PARD3B: variants seen among roughly 807,000 people sequenced by gnomAD.
The protein encoded by PARD3B is partitioning defective 3 homolog B.
A neutral mutation model predicts 130.2 loss-of-function variants in PARD3B; 103 were observed. The ratio of observed to expected loss-of-function variants is 0.79; its 90% confidence interval spans 0.67 to 0.93. The LOEUF (loss-of-function observed/expected upper bound fraction) is 0.93, where lower values mean the gene tolerates loss of function less well. Among genes scored for constraint, PARD3B ranks in the 40% least tolerant of loss-of-function variants. The probability of loss-of-function intolerance (pLI) is 0.00; values close to 1 mark genes in which losing one functional copy is unlikely to be tolerated. For missense variants in PARD3B, 1,609 were observed against 1,499.2 expected (o/e 1.07, Z -1.21); for synonymous variants, 583 against 553.2 (o/e 1.05, Z -0.76).
At chr2:204,816,975 C>T (rs941064377) in intron 2 of PARD3B, among the ~76,000 whole-genome samples, 1 of 152,016 alleles carries the variant, frequency 6.6e-6, no homozygotes, top group African/African-American at 2.4e-5. Context: ...TGTCTAGGCT[C>T]ACTCATCTTT....
chr2:205,581,299 G>GAT (rs1559238327), intron 22 of PARD3B, among the ~76,000 whole-genome samples: 5 of 103,362 alleles, frequency 4.8e-5, no homozygotes, highest in Admixed American at 3.5e-4. Flanking sequence ...GATAGATATA[G>GAT]ATAGATAGAT....
chr2:205,478,872 A>G (rs1016144015), intron 20 of PARD3B, among the ~76,000 whole-genome samples: 2 of 152,146 alleles, frequency 1.3e-5, no homozygotes, highest in African/African-American at 4.8e-5. Flanking sequence ...TAATAACACC[A>G]TTTCAGCACA....
At chr2:204,883,431 TAAAA>T (rs2046137690) in intron 2 of PARD3B, among the ~76,000 whole-genome samples, 1 of 111,050 alleles carries the variant, frequency 9.0e-6, no homozygotes, top group East Asian at 2.3e-4. Flanking sequence ...TATATATATA[TAAAA>T]TATATATATA....
intron 10 of PARD3B, among the ~76,000 whole-genome samples, chr2:205,136,842 T>C (rs1213393179): frequency 6.6e-6 from 1 of 152,194 alleles, no homozygotes; most frequent in African/African-American, 2.4e-5. Flanking sequence ...CACCTCTCTT[T>C]CCCTTTTTTC....
chr2:205,569,180 TTTTTA>T (rs2053472391), intron 22 of PARD3B, among the ~76,000 whole-genome samples: 1 of 152,170 alleles, frequency 6.6e-6, no homozygotes, highest in South Asian at 2.1e-4. Context: ...ATCCTTTTTT[TTTTTA>T]GTTTGTTGTA....
chr2:205,360,966 T>C (rs552216582), intron 18 of PARD3B, among the ~76,000 whole-genome samples: 7 of 152,184 alleles, frequency 4.6e-5, no homozygotes, highest in Non-Finnish European at 8.8e-5. Flanking sequence ...CTAATATGTC[T>C]AATATGCCTT....
chr2:204,660,745 A>T (rs1350918676), intron 1 of PARD3B, among the ~76,000 whole-genome samples: 2 of 152,018 alleles, frequency 1.3e-5, no homozygotes, highest in East Asian at 3.9e-4. Flanking sequence ...TTTGTTTTTC[A>T]TTTCCTTTTA....
In PARD3B at chr2:205,572,651, A is replaced by G. The variant is rs1267992570; in HGVS notation, c.3260+19248A>G. On this transcript the variant is annotated intron_variant, in intron 22 of 22. Transcript: ENST00000406610. The surrounding 1 kb of genome is among the most constrained non-coding windows in gnomAD (Gnocchi z 4.2). The stretch of plus-strand genomic sequence containing the variant: ...TCCCAGTTACTCGGGAGGCTGAGGG[A>G]GGAGAATTGCTTGAACCCAGAAGGT... Among the ~76,000 whole-genome samples, 2 of 152,110 alleles carry G rather than the reference A, an allele frequency of 1.3e-5. No homozygotes were observed. The highest frequency in any genetic ancestry group is 2.4e-5 in the African/African-American group (1 of 41,424).
chr2:204,962,795 C>T (rs1575428581), intron 2 of PARD3B, among the ~76,000 whole-genome samples: 1 of 152,166 alleles, frequency 6.6e-6, no homozygotes, highest in African/African-American at 2.4e-5. Context: ...GGAGCCATGA[C>T]AGGTCAGGAG....
chr2:205,489,161 T>C (rs2049567704), intron 20 of PARD3B, among the ~76,000 whole-genome samples: 1 of 152,154 alleles, frequency 6.6e-6, no homozygotes, highest in Non-Finnish European at 1.5e-5. Flanking sequence ...ATTATCGTAT[T>C]AAACACTTGA....
intron 10 of PARD3B, among the ~76,000 whole-genome samples, chr2:205,139,502 C>T (rs2032769398): frequency 6.6e-6 from 1 of 152,094 alleles, no homozygotes; most frequent in Non-Finnish European, 1.5e-5. Flanking sequence ...ACCTCAATTC[C>T]TCTTTGGTAT....
chr2:204,565,956 A>G (rs973289812), intron 1 of PARD3B, among the ~76,000 whole-genome samples: 2 of 152,332 alleles, frequency 1.3e-5, no homozygotes, highest in Admixed American at 1.3e-4. Context: ...GTCAAGAGAT[A>G]ATGAAATTTT....
intron 1 of PARD3B, among the ~76,000 whole-genome samples, chr2:204,651,025 C>T (rs1407614340): frequency 6.6e-6 from 1 of 152,180 alleles, no homozygotes; most frequent in African/African-American, 2.4e-5. Flanking sequence ...CCAGGTCTCT[C>T]CCCTGACATG....
At chr2:205,534,480 A>T (rs1384731673) in intron 21 of PARD3B, among the ~76,000 whole-genome samples, 1 of 150,778 alleles carries the variant, frequency 6.6e-6, no homozygotes, top group Non-Finnish European at 1.5e-5. Context: ...TTTTTTTTGG[A>T]GACAGAGTCT....
intron 2 of PARD3B, among the ~76,000 whole-genome samples, chr2:204,849,041 T>G (rs1423112426): frequency 6.6e-6 from 1 of 152,136 alleles, no homozygotes; most frequent in Non-Finnish European, 1.5e-5. Flanking sequence ...TTTCTTTGAT[T>G]TAGAGGTTGC....
At chr2:205,348,333 T>C (rs1442237578) in intron 18 of PARD3B, among the ~76,000 whole-genome samples, 1 of 152,232 alleles carries the variant, frequency 6.6e-6, no homozygotes, top group Non-Finnish European at 1.5e-5. Context: ...GACATTCTCC[T>C]CTCCGTATTC....
At chr2:205,223,194 G>A (rs2038337853) in intron 15 of PARD3B, among the ~76,000 whole-genome samples, 1 of 152,158 alleles carries the variant, frequency 6.6e-6, no homozygotes, top group African/African-American at 2.4e-5. Flanking sequence ...ACTTGAAGAT[G>A]AATAGAGGAT....
In PARD3B at chr2:205,480,070, T is replaced by A. The variant is rs532777147; in HGVS notation, c.3045-19826T>A. Among the ~76,000 whole-genome samples, 7 of 152,122 alleles carry A rather than the reference T, an allele frequency of 4.6e-5. No homozygotes were observed. In the South Asian group the frequency reaches 1.5e-3, roughly 32 times the overall value. ...GGTGCCCTCCACCATGCCCAGCTAA[T>A]TTTTTGTATTTTTTAGTAGAGATGG... On this transcript the variant is annotated intron_variant, in intron 20 of 22. Coordinates refer to ENST00000406610, the MANE Select transcript of PARD3B (RefSeq NM_001302769.2).
At chr2:204,631,281 C>T (rs1235587589) in intron 1 of PARD3B, among the ~76,000 whole-genome samples, 9 of 149,828 alleles carry the variant, frequency 6.0e-5, no homozygotes, top group Non-Finnish European at 8.9e-5. Context: ...GACAGAGTCT[C>T]GCTCTGTCAC....
Sources: gnomAD v4.1 joint callset for allele counts (sites outside exome capture counted in the v4.1 genomes callset) on GRCh38, gnomAD v4.1.1 for gene constraint, Gnocchi (gnomAD v3.1) non-coding constraint, MANE v1.5 for transcripts, NCBI Gene and HGNC (gene_info 2026-07-23, HGNC 2026-07-21) for gene names.